ACSF3: variants seen among roughly 807,000 people sequenced by gnomAD.
ACSF3 encodes the protein malonate--CoA ligase ACSF3, mitochondrial.
ACSF3 carries 78 observed loss-of-function variants against 53.2 expected under a neutral mutation model. The ratio of observed to expected loss-of-function variants is 1.47; its 90% CI spans 1.22 to 1.77. ACSF3 has a LOEUF of 1.77. ACSF3 is among the 40% of genes most tolerant of loss of function. ACSF3 has a pLI of 0.00. For missense variants in ACSF3, 937 were observed against 771.1 expected, an observed-to-expected ratio of 1.22 and a Z score of -2.55; for synonymous variants, 414 against 333.1, an observed-to-expected ratio of 1.24 and a Z score of -2.65.
chr16:89,101,347 G>C lies in ACSF3; in HGVS notation c.666G>C (p.Val222=). The C allele has an allele frequency of 1.3e-6, 2 of 1,579,858 alleles. No homozygotes were observed. The highest frequency in any genetic ancestry group is 1.3e-5 in the African/African-American group (1 of 74,314). The change falls in exon 3 of 11, where the codon GTG becomes GTC. Residue 222 remains valine, a splice_region_variant and synonymous_variant. Coordinates refer to ENST00000614302, the MANE Select transcript of ACSF3 (RefSeq NM_001243279.3). The part of the protein sequence containing the change: ...VLSTHQNIRA[V]VTGLVHKWAW... ...GCACGCACCAAAACATCAGGGCTGT[G>C]GTGAGTGCCGCCTGGCGCCGTGATG...
chr16:89,123,822 G>A (rs926534325), intron 7 of ACSF3, among the ~76,000 whole-genome samples: 7 of 152,180 alleles, frequency 4.6e-5, no homozygotes, highest in African/African-American at 7.2e-5. Flanking sequence ...TGGCCTGCCA[G>A]GCCCAGGGCT....
chr16:89,100,998 C>A lies in ACSF3; in HGVS notation c.317C>A (p.Ala106Asp). 6.2e-7 allele frequency: 1 copy of A among 1,613,452 alleles called. No individual in the cohort carries two copies. Among genetic ancestry groups the A allele is most frequent in the Non-Finnish European group, 8.5e-7 (1 of 1,179,602 alleles). Residue 106 changes from alanine to aspartate, a missense_variant, in exon 3 of 11, where the codon GCC (alanine) becomes GAC (aspartate). Transcript: ENST00000614302. The stretch of plus-strand genomic sequence containing the variant: ...GTCTCCTTCCTATGCGCTAACGATG[C>A]CTCCTACGTCGTGGCCCAGTGGGCG... ...ERVSFLCAND[A>D]SYVVAQWASW...
intron 10 of ACSF3, chr16:89,148,114 T>C (rs2151572568): frequency 6.7e-6 from 1 of 149,262 alleles, no homozygotes; most frequent in African/African-American, 2.5e-5. Context: ...TTTTTTTTTT[T>C]TTTTTTTTGA....
chr16:89,123,060 G>A (rs948072353), intron 7 of ACSF3, among the ~76,000 whole-genome samples: 1 of 152,194 alleles, frequency 6.6e-6, no homozygotes, highest in Non-Finnish European at 1.5e-5. Context: ...AAATCTCAGC[G>A]TACGGGGGGT....
At chr16:89,137,613 A>G (rs370662967) in intron 8 of ACSF3, among the ~76,000 whole-genome samples, 517 of 104,822 alleles carry the variant, frequency 4.9e-3, no homozygotes, top group African/African-American at 9.0e-3. Context: ...GAAGAGCCCC[A>G]GGTCCCGGGA....
intron 8 of ACSF3, among the ~76,000 whole-genome samples, chr16:89,139,590 T>C (rs1046049063): frequency 1.0e-4 from 14 of 139,878 alleles, no homozygotes; most frequent in Non-Finnish European, 1.8e-4. Flanking sequence ...TTTTTTTTTC[T>C]GTTTTTTTTT....
chr16:89,118,923 GTC>G, intron 6 of ACSF3, among the ~76,000 whole-genome samples: 1 of 152,212 alleles, frequency 6.6e-6, no homozygotes, highest in East Asian at 1.9e-4. Flanking sequence ...GCCAGCCTCT[GTC>G]CACTCTCTTG....
chr16:89,097,458 C>T (rs1202156372), intron 1 of ACSF3, among the ~76,000 whole-genome samples: 2 of 152,262 alleles, frequency 1.3e-5, no homozygotes, highest in African/African-American at 4.8e-5. Context: ...CTGTGGCTCT[C>T]AGCAGCGGAA....
At chr16:89,094,335 C>G (rs1051087665) in intron 1 of ACSF3, among the ~76,000 whole-genome samples, 1 of 152,224 alleles carries the variant, frequency 6.6e-6, no homozygotes, top group African/African-American at 2.4e-5. Flanking sequence ...ACTTCCATTT[C>G]TCATTGGGCT....
rs190045626 is a variant in ACSF3, at chr16:89,114,052, G to A, written c.978-287G>A. ...GCAGGAACTTTGCAGGGGACACCGC[G>A]GACCCTAAGCACATTGTTTACCCTC... On this transcript the variant is annotated intron_variant, in intron 5 of 10. Transcript: ENST00000614302. 4.1e-3 allele frequency: 1,898 copies of A among 461,146 alleles called. 35 individuals are homozygous for A. The highest frequency in any genetic ancestry group is 0.033 in the South Asian group (1,691 of 50,484). 28.6% of individuals were successfully genotyped at this position (461,146 alleles called of 1,614,324 possible). A position where few individuals can be genotyped will look rare whatever the true frequency, so the allele number is the denominator to read the frequency against.
chr16:89,136,999 A>G (rs1342601638), intron 8 of ACSF3, among the ~76,000 whole-genome samples: 2 of 152,368 alleles, frequency 1.3e-5, no homozygotes, highest in East Asian at 3.9e-4. Context: ...GCCCTCGCTC[A>G]GAGACACACG....
chr16:89,101,377 C>G, intron 3 of ACSF3, 30 bp downstream of exon 3: 6 of 1,557,780 alleles, frequency 3.9e-6, no homozygotes, highest in Non-Finnish European at 5.2e-6. Flanking sequence ...GTGATGGTTT[C>G]GGTGACCGCA....
intron 10 of ACSF3, chr16:89,153,881 T>C (rs1914413216): frequency 1.7e-6 from 1 of 603,778 alleles, no homozygotes. Context: ...GATAACACCA[T>C]GCCGGGCACC....
At chr16:89,103,312 G>A (rs1258216565) in intron 4 of ACSF3, among the ~76,000 whole-genome samples, 1 of 152,244 alleles carries the variant, frequency 6.6e-6, no homozygotes, top group South Asian at 2.1e-4. Context: ...ATGCTTGGAG[G>A]CCAGGATTCT....
intron 1 of ACSF3, among the ~76,000 whole-genome samples, chr16:89,095,974 C>T (rs1301373561): frequency 2.6e-5 from 4 of 152,192 alleles, no homozygotes; most frequent in Admixed American, 1.3e-4. Flanking sequence ...CATCCCGCTG[C>T]GCTGCATGTG....
chr16:89,134,209 G>T (rs1184185441), intron 8 of ACSF3, among the ~76,000 whole-genome samples: 1 of 152,166 alleles, frequency 6.6e-6, no homozygotes, highest in African/African-American at 2.4e-5. Context: ...GGCAAGCGTC[G>T]TGTTCTCTGA....
At chr16:89,123,349 A>G (rs893201080) in intron 7 of ACSF3, among the ~76,000 whole-genome samples, 1 of 152,116 alleles carries the variant, frequency 6.6e-6, no homozygotes, top group African/African-American at 2.4e-5. Context: ...CTCTCATGTG[A>G]AGGGACTCCC....
chr16:89,155,854 A>G lies in ACSF3; in HGVS notation c.*1647A>G. 1 of 441,584 alleles carries G rather than the reference A, an allele frequency of 2.3e-6. No homozygotes were observed. The highest frequency in any genetic ancestry group is 4.5e-6 in the Non-Finnish European group (1 of 220,970). The allele number at this position is 441,584 out of a possible 1,614,324, so 27.4% of individuals were successfully genotyped here. A position where few individuals can be genotyped will look rare whatever the true frequency, so the allele number is the denominator to read the frequency against. On this transcript the variant is annotated 3_prime_UTR_variant, in exon 11 of 11. Coordinates refer to ENST00000614302, the MANE Select transcript of ACSF3 (RefSeq NM_001243279.3). The stretch of plus-strand genomic sequence containing the variant: ...TTTGCTTTATCCGATAGTATACATC[A>G]GTATATCATGCTTTCGAAATAATGA...
intron 7 of ACSF3, among the ~76,000 whole-genome samples, chr16:89,126,320 G>A (rs1311179568): frequency 6.6e-6 from 1 of 152,130 alleles, no homozygotes. Flanking sequence ...CCAGGCTGGA[G>A]TGTAGTGGTA....
Sources: gnomAD v4.1 joint callset for allele counts (sites outside exome capture counted in the v4.1 genomes callset) on GRCh38, gnomAD v4.1.1 for gene constraint, MANE v1.5 for transcripts, NCBI Gene and HGNC (gene_info 2026-07-23, HGNC 2026-07-21) for gene names.